Variants in PRRX1 observed in about 807,000 individuals in gnomAD.
PRRX1 encodes paired related homeobox 1.
In PRRX1, 8 loss-of-function variants were observed where a neutral mutation model predicts 24.0. The ratio of observed to expected loss-of-function variants is 0.33; its 90% CI spans 0.20 to 0.60. PRRX1 has a LOEUF of 0.60. PRRX1 is among the 20% of genes least tolerant of loss of function. The pLI is 0.82. For synonymous variants in PRRX1, 160 were observed against 131.7 expected (o/e 1.22, Z -1.47); for missense variants, 281 against 322.4 (o/e 0.87, Z 0.98).
intron 1 of PRRX1, among the ~76,000 whole-genome samples, chr1:170,701,149 C>G (rs1427150050): frequency 1.3e-5 from 2 of 152,164 alleles, no homozygotes; most frequent in African/African-American, 4.8e-5. Flanking sequence ...AGTTCCTCTT[C>G]TTTATGACTC....
At chr1:170,663,605 C>T (rs909618961), upstream of PRRX1, 1 of 152,096 alleles carries the variant, frequency 6.6e-6, no homozygotes, top group African/African-American at 2.4e-5. Flanking sequence ...TCCTGAGAAT[C>T]CACAGGAGTG....
At chr1:170,729,259 A>G (rs1418196317) in intron 3 of PRRX1, among the ~76,000 whole-genome samples, 1 of 152,244 alleles carries the variant, frequency 6.6e-6, no homozygotes, top group Non-Finnish European at 1.5e-5. Flanking sequence ...TGCAAGAGAT[A>G]TCTCAGATCA....
rs35075394 is a variant in PRRX1 at position 170,666,417 on chromosome 1, C to CAAAAA, written c.241+1977_241+1981dup. 2.2e-3 allele frequency among the ~76,000 whole-genome samples: 165 copies of CAAAAA among 75,884 alleles called. 5 individuals are homozygous for CAAAAA. Among genetic ancestry groups the CAAAAA allele is most frequent in the African/African-American group, 3.0e-3 (57 of 19,034 alleles). The allele number at this position is 75,884 out of a possible 152,430, so 49.8% of individuals were successfully genotyped here. ...TGGATGACAGAGTGAGACTCCGTCT[C>CAAAAA]AAAAAAAAAAAAAAAAAAAAAAAGT... On this transcript the variant is annotated intron_variant, in intron 1 of 3. Coordinates refer to ENST00000239461, the MANE Select transcript of PRRX1 (RefSeq NM_022716.4).
At chr1:170,686,066 T>G (rs1653722398) in intron 1 of PRRX1, among the ~76,000 whole-genome samples, 1 of 151,628 alleles carries the variant, frequency 6.6e-6, no homozygotes, top group Non-Finnish European at 1.5e-5. Flanking sequence ...ATGTAGACCG[T>G]CTGCCTCCAA....
chr1:170,691,401 C>T (rs1024410799), intron 1 of PRRX1, among the ~76,000 whole-genome samples: 3 of 151,792 alleles, frequency 2.0e-5, no homozygotes, highest in Non-Finnish European at 4.4e-5. Context: ...TCTGACATCC[C>T]TAAGAAGAAA....
intron 1 of PRRX1, chr1:170,668,506 C>T (rs891553547): frequency 6.6e-6 from 1 of 152,264 alleles, no homozygotes; most frequent in Non-Finnish European, 1.5e-5. Context: ...GCGCAGCTGG[C>T]TCCCGGGCCG....
intron 1 of PRRX1, among the ~76,000 whole-genome samples, chr1:170,690,032 A>G (rs1234788847): frequency 1.3e-5 from 2 of 151,876 alleles, no homozygotes; most frequent in Non-Finnish European, 2.9e-5. Flanking sequence ...CATACAATAT[A>G]TCGCTTGGAA....
intron 1 of PRRX1, among the ~76,000 whole-genome samples, chr1:170,688,474 C>T (rs1653819862): frequency 6.6e-6 from 1 of 151,796 alleles, no homozygotes; most frequent in South Asian, 2.1e-4. Context: ...TTTTAATATC[C>T]TTGAAAATTA....
intron 1 of PRRX1, among the ~76,000 whole-genome samples, chr1:170,714,416 A>C (rs1439314209): frequency 6.6e-6 from 1 of 152,188 alleles, no homozygotes; most frequent in Non-Finnish European, 1.5e-5. Context: ...GCTTTCAACC[A>C]AAAGGCAGAT....
At chr1:170,664,088 C>CCTCTCCCTCTCTCT (rs1652822056), upstream of PRRX1, 5 of 665,704 alleles carry the variant, frequency 7.5e-6, no homozygotes, top group African/African-American at 9.8e-5. Context: ...CCTCTTCCTC[C>CCTCTCCCTCTCTCT]CTCTCTCTCT....
In PRRX1 at chr1:170,736,259, T is replaced by G. The variant is rs1655598956; in HGVS notation, c.*73T>G. On this transcript the variant is annotated 3_prime_UTR_variant, in exon 4 of 4. Transcript: ENST00000239461. ...GACACCTATCCTGCTCTGTTATTTCTTCATCTGCTGGGGGGAAAAAGTAAA... is the reference window on the plus strand; with the variant it reads ...GACACCTATCCTGCTCTGTTATTTCGTCATCTGCTGGGGGGAAAAAGTAAA... The G allele has an allele frequency of 1.9e-6, 3 of 1,578,848 alleles. No individual in the cohort carries two copies. The highest frequency in any genetic ancestry group is 2.6e-6 in the Non-Finnish European group (3 of 1,151,256).
chr1:170,726,569 C>G (rs1036052198), intron 3 of PRRX1, 168 bp downstream of exon 3: 3 of 812,020 alleles, frequency 3.7e-6, no homozygotes, highest in Non-Finnish European at 5.7e-6. Flanking sequence ...TATAAGCTGC[C>G]CCAGCAGCAG....
At chr1:170,686,021 T>C (rs1384378465) in intron 1 of PRRX1, among the ~76,000 whole-genome samples, 1 of 152,118 alleles carries the variant, frequency 6.6e-6, no homozygotes, top group East Asian at 1.9e-4. Context: ...TTTCATTGGC[T>C]GTAGTCAATA....
intron 1 of PRRX1, among the ~76,000 whole-genome samples, chr1:170,691,339 A>AAGTTATG (rs1653939627): frequency 2.0e-5 from 3 of 152,116 alleles, no homozygotes; most frequent in Admixed American, 6.6e-5. Context: ...GATCAAACTT[A>AAGTTATG]CATAAATAAT....
At chr1:170,700,225 T>C (rs1041759709) in intron 1 of PRRX1, among the ~76,000 whole-genome samples, 3 of 152,158 alleles carry the variant, frequency 2.0e-5, no homozygotes, top group African/African-American at 7.2e-5. Context: ...TCATAGGAAA[T>C]AATTCCTGAG....
At chr1:170,666,801 A>G (rs911979944) in intron 1 of PRRX1, among the ~76,000 whole-genome samples, 5 of 152,130 alleles carry the variant, frequency 3.3e-5, no homozygotes, top group Non-Finnish European at 5.9e-5. Context: ...GCCACTCCCA[A>G]GAAGGGAGCT....
At chr1:170,700,080 G>C (rs1034875345) in intron 1 of PRRX1, among the ~76,000 whole-genome samples, 19 of 152,156 alleles carry the variant, frequency 1.2e-4, no homozygotes, top group African/African-American at 4.6e-4. Flanking sequence ...TAAATGTATT[G>C]ATGGGGTTAC....
At chr1:170,692,737 TCTCTCA>T (rs1005803858) in intron 1 of PRRX1, among the ~76,000 whole-genome samples, 20 of 142,414 alleles carry the variant, frequency 1.4e-4, no homozygotes, top group East Asian at 5.9e-4. Flanking sequence ...TCTCTCTCTC[TCTCTCA>T]CACACACACA....
rs962651429 is a variant in PRRX1 at position 170,736,320 on chromosome 1, G to T, written c.*134G>T. Reference sequence around the variant, plus strand: ...ACAAACAAAGCAGAACTAAAATATTGGGACCATGGCAGAGAAAAGCAGGAG... The same window carrying T: ...ACAAACAAAGCAGAACTAAAATATTTGGACCATGGCAGAGAAAAGCAGGAG... On this transcript the variant is annotated 3_prime_UTR_variant, in exon 4 of 4. Transcript: ENST00000239461. 2 of 1,276,852 alleles carry T rather than the reference G, an allele frequency of 1.6e-6. No individual in the cohort carries two copies. The highest frequency in any genetic ancestry group is 2.5e-5 in the East Asian group (1 of 39,698). The allele number at this position is 1,276,852 out of a possible 1,614,324, so 79.1% of individuals were successfully genotyped here.
Sources: allele counts gnomAD v4.1 joint callset (sites outside exome capture counted in the v4.1 genomes callset), GRCh38; gene constraint gnomAD v4.1.1; transcripts MANE v1.5; gene names NCBI Gene and HGNC (gene_info 2026-07-23, HGNC 2026-07-21).